TMEM178B: variants seen among roughly 807,000 people sequenced by gnomAD.
The protein encoded by TMEM178B is transmembrane protein 178B.
Under a neutral mutation model 31.0 loss-of-function variants are expected in TMEM178B, and 5 were observed. The observed-to-expected ratio is 0.16, with a 90% CI of 0.08 to 0.34. The LOEUF (loss-of-function observed/expected upper bound fraction) is 0.34. Among genes scored for constraint, TMEM178B ranks in the 10% least tolerant of loss-of-function variants. TMEM178B has a pLI of 1.00. For synonymous variants in TMEM178B, 164 were observed against 164.0 expected (o/e 1.00, Z 0.00); for missense variants, 275 against 400.3 (o/e 0.69, Z 2.67).
chr7:141,413,210 G>A (rs1353121296), intron 2 of TMEM178B, among the ~76,000 whole-genome samples: 1 of 152,198 alleles, frequency 6.6e-6, no homozygotes, highest in Non-Finnish European at 1.5e-5. Flanking sequence ...CTGATACATT[G>A]TTTAGGGTAT....
At chr7:141,100,452 A>C (rs748045169) in intron 1 of TMEM178B, among the ~76,000 whole-genome samples, 9 of 152,258 alleles carry the variant, frequency 5.9e-5, no homozygotes, top group Non-Finnish European at 1.0e-4. Context: ...ACCAGCTTGG[A>C]GTAGATAGCA....
intron 3 of TMEM178B, among the ~76,000 whole-genome samples, chr7:141,467,971 CAAAAAAAA>C (rs1011175319): frequency 1.3e-5 from 1 of 74,976 alleles, no homozygotes; most frequent in Non-Finnish European, 3.2e-5. Flanking sequence ...GATGATCTTT[CAAAAAAAA>C]AAAAAAAAAG....
At chr7:141,481,713 T>C (rs1234702756), downstream of TMEM178B, among the ~76,000 whole-genome samples, 3 of 152,024 alleles carry the variant, frequency 2.0e-5, no homozygotes, top group Non-Finnish European at 2.9e-5. Flanking sequence ...GGGAAGGGTT[T>C]TACAAGTGGA....
At chr7:141,468,593 C>T (rs1214493604) in intron 3 of TMEM178B, among the ~76,000 whole-genome samples, 1 of 152,166 alleles carries the variant, frequency 6.6e-6, no homozygotes, top group Non-Finnish European at 1.5e-5. Context: ...ATATAACCCA[C>T]ATCTTAGAGT....
intron 3 of TMEM178B, among the ~76,000 whole-genome samples, chr7:141,442,191 T>C (rs1015676497): frequency 7.9e-5 from 12 of 152,042 alleles, no homozygotes; most frequent in African/African-American, 2.7e-4. Context: ...AGCATAAACA[T>C]CAACGTATGC....
intron 2 of TMEM178B, among the ~76,000 whole-genome samples, chr7:141,404,915 C>T (rs1800854243): frequency 6.6e-6 from 1 of 152,224 alleles, no homozygotes; most frequent in Non-Finnish European, 1.5e-5. Context: ...AACCCTCTGA[C>T]CAGCACCCAA....
Position 141,345,839 on chromosome 7 carries a change from A to G in TMEM178B, c.497-91769A>G, listed in dbSNP as rs116533406. Among the ~76,000 whole-genome samples the G allele has an allele frequency of 6.5e-3, 996 of 152,352 alleles. 12 individuals are homozygous for G. Among genetic ancestry groups the G allele is most frequent in the African/African-American group, 0.022 (928 of 41,576 alleles). ...CTTTTAAACTTTAAGAGAGTTGTTAACTAAATGAGACCTGCAATTTGGGCA... is the reference window on the plus strand; with the variant it reads ...CTTTTAAACTTTAAGAGAGTTGTTAGCTAAATGAGACCTGCAATTTGGGCA... On this transcript the variant is annotated intron_variant, in intron 2 of 3. Coordinates refer to ENST00000565468, the MANE Select transcript of TMEM178B (RefSeq NM_001195278.2).
intron 2 of TMEM178B, among the ~76,000 whole-genome samples, chr7:141,354,154 T>C (rs1377365414): frequency 6.6e-6 from 1 of 152,204 alleles, no homozygotes; most frequent in Non-Finnish European, 1.5e-5. Flanking sequence ...ACTCTTGGGC[T>C]CCACAGTTTA....
chr7:141,278,556 T>G (rs1289285978), intron 2 of TMEM178B, among the ~76,000 whole-genome samples: 1 of 151,904 alleles, frequency 6.6e-6, no homozygotes, highest in African/African-American at 2.4e-5. Context: ...GCACCCAGAT[T>G]GGGTGACAGA....
rs550620647 is a variant in TMEM178B at position 141,445,011 on chromosome 7, G to A, written c.634+7266G>A. On this transcript the variant is annotated intron_variant, in intron 3 of 3. Coordinates refer to ENST00000565468, the MANE Select transcript of TMEM178B (RefSeq NM_001195278.2). Reference sequence around the variant, plus strand: ...AGACCGCGGCCAGAACCAAGGGCACGGGTGGTAATGAGAAAAGGAAATCAT... The same window carrying A: ...AGACCGCGGCCAGAACCAAGGGCACAGGTGGTAATGAGAAAAGGAAATCAT... 3.3e-5 allele frequency among the ~76,000 whole-genome samples: 5 copies of A among 152,278 alleles called. No individual in the cohort carries two copies. In the East Asian group the frequency reaches 9.7e-4, roughly 29 times the overall value.
chr7:141,222,188 A>G (rs1003147152), intron 2 of TMEM178B, among the ~76,000 whole-genome samples: 3 of 152,198 alleles, frequency 2.0e-5, no homozygotes, highest in East Asian at 3.9e-4. Context: ...CTTTCCTTCC[A>G]TATTTCTTGT....
chr7:141,423,084 G>A (rs1801243609), intron 2 of TMEM178B, among the ~76,000 whole-genome samples: 1 of 152,182 alleles, frequency 6.6e-6, no homozygotes, highest in African/African-American at 2.4e-5. Context: ...CTGTCACCCA[G>A]GCTGGAGTGC....
At chr7:141,160,928 G>A (rs1019291051) in intron 1 of TMEM178B, among the ~76,000 whole-genome samples, 14 of 152,096 alleles carry the variant, frequency 9.2e-5, no homozygotes, top group African/African-American at 3.4e-4. Flanking sequence ...TGCGATCTTG[G>A]CTCACTGCAA....
chr7:141,077,809 A>G (rs528662273), intron 1 of TMEM178B, among the ~76,000 whole-genome samples: 1 of 152,358 alleles, frequency 6.6e-6, no homozygotes, highest in Non-Finnish European at 1.5e-5. Flanking sequence ...ATGGGAAAAT[A>G]TGAAACAGTG....
At chr7:141,216,083 A>C (rs956460391) in intron 2 of TMEM178B, among the ~76,000 whole-genome samples, 1 of 151,922 alleles carries the variant, frequency 6.6e-6, no homozygotes, top group Admixed American at 6.6e-5. Context: ...CACCTGCCTC[A>C]GCCTTTCAAA....
chr7:141,299,875 C>A (rs1484149958), intron 2 of TMEM178B, among the ~76,000 whole-genome samples: 2 of 151,990 alleles, frequency 1.3e-5, no homozygotes, highest in African/African-American at 4.8e-5. Context: ...AGCCTTGAAC[C>A]CCTGGCTCAA....
intron 2 of TMEM178B, among the ~76,000 whole-genome samples, chr7:141,224,281 A>G (rs1344160628): frequency 6.6e-6 from 1 of 152,218 alleles, no homozygotes; most frequent in Non-Finnish European, 1.5e-5. Flanking sequence ...AGACTAATAC[A>G]TAAACCAACT....
chr7:141,135,348 A>T (rs1795659061), intron 1 of TMEM178B, among the ~76,000 whole-genome samples: 2 of 152,168 alleles, frequency 1.3e-5, no homozygotes, highest in African/African-American at 4.8e-5. Context: ...ACAAAGAAAC[A>T]CTGGACTTAA....
chr7:141,080,912 A>G (rs1181843483), intron 1 of TMEM178B, among the ~76,000 whole-genome samples: 1 of 152,222 alleles, frequency 6.6e-6, no homozygotes, highest in Non-Finnish European at 1.5e-5. Context: ...GGTGTAAACA[A>G]AGCTACTGCA....
Sources: allele counts gnomAD v4.1 joint callset (sites outside exome capture counted in the v4.1 genomes callset), GRCh38; gene constraint gnomAD v4.1.1; transcripts MANE v1.5; gene names NCBI Gene and HGNC (gene_info 2026-07-23, HGNC 2026-07-21).